The following CEP112 variants were observed in gnomAD, a reference collection of about 807,000 sequenced individuals.
CEP112 encodes the protein centrosomal protein 112, also known as centrosomal protein of 112 kDa.
A neutral mutation model predicts 153.0 loss-of-function variants in CEP112; 127 were observed. The observed-to-expected ratio is 0.83, with a 90% CI of 0.72 to 0.96. CEP112 has a LOEUF of 0.96. Among genes scored for constraint, CEP112 ranks in the 40% least tolerant of loss-of-function variants. The pLI is 0.00. For synonymous variants in CEP112, 358 were observed against 374.4 expected (o/e 0.96, Z 0.51); for missense variants, 1,089 against 1,101.2 (o/e 0.99, Z 0.16).
At chr17:65,677,591 A>G (rs1241041061) in intron 24 of CEP112, among the ~76,000 whole-genome samples, 2 of 152,058 alleles carry the variant, frequency 1.3e-5, no homozygotes, top group Non-Finnish European at 2.9e-5. Flanking sequence ...TTCTAGTTTA[A>G]ACTGACGTAC....
chr17:65,997,213 A>T (rs1393693989), intron 17 of CEP112, among the ~76,000 whole-genome samples: 2 of 152,164 alleles, frequency 1.3e-5, no homozygotes, highest in Non-Finnish European at 2.9e-5. Context: ...TCCATCTAAA[A>T]TAATAATAAT....
chr17:65,645,112 T>C (rs2045363066), intron 24 of CEP112, among the ~76,000 whole-genome samples: 1 of 151,748 alleles, frequency 6.6e-6, no homozygotes, highest in African/African-American at 2.4e-5. Flanking sequence ...TTTTATTATA[T>C]ATATATACTT....
At chr17:65,919,117 T>C (rs1283489426) in intron 19 of CEP112, among the ~76,000 whole-genome samples, 1 of 152,230 alleles carries the variant, frequency 6.6e-6, no homozygotes, top group Non-Finnish European at 1.5e-5. Context: ...TCTGAGGGCA[T>C]AGCCTGAAGC....
intron 17 of CEP112, among the ~76,000 whole-genome samples, chr17:65,989,010 G>A (rs2145222316): frequency 6.6e-6 from 1 of 152,010 alleles, no homozygotes; most frequent in Non-Finnish European, 1.5e-5. Context: ...AGATCACCAG[G>A]TCAGGAGATC....
At chr17:65,857,340 G>A (rs183788561) in intron 20 of CEP112, among the ~76,000 whole-genome samples, 81 of 152,324 alleles carry the variant, frequency 5.3e-4, no homozygotes, top group African/African-American at 1.9e-3. Flanking sequence ...AAAAAACAAT[G>A]TGCATTCCTT....
chr17:66,080,405 C>G (rs529739877), intron 8 of CEP112, among the ~76,000 whole-genome samples: 1 of 152,044 alleles, frequency 6.6e-6, no homozygotes, highest in Non-Finnish European at 1.5e-5. Context: ...AACAAACATA[C>G]GAAGAAAAGC....
intron 23 of CEP112, among the ~76,000 whole-genome samples, chr17:65,734,844 TTAG>T (rs2050708922): frequency 1.3e-5 from 2 of 152,312 alleles, no homozygotes; most frequent in East Asian, 3.9e-4. Flanking sequence ...TTCTTAAAAG[TTAG>T]TTACAATGTG....
chr17:65,898,010 G>A (rs1261513020), intron 20 of CEP112, among the ~76,000 whole-genome samples: 1 of 152,040 alleles, frequency 6.6e-6, no homozygotes, highest in East Asian at 1.9e-4. Flanking sequence ...CAAGCGCAGA[G>A]CTAAAATTTC....
At chr17:65,918,668 C>T (rs751991119) in intron 19 of CEP112, among the ~76,000 whole-genome samples, 6 of 152,098 alleles carry the variant, frequency 3.9e-5, no homozygotes, top group Non-Finnish European at 8.8e-5. Flanking sequence ...TTGTTTCCAA[C>T]TTGAATGAGG....
chr17:66,175,257 A>G (rs199998433), intron 3 of CEP112, 41 bp from the exon 4 acceptor site: 131 of 1,377,900 alleles, frequency 9.5e-5, no homozygotes, highest in Admixed American at 6.1e-4. Flanking sequence ...TTCAAAATGT[A>G]CTATAATAAA....
At chr17:65,998,444 AAC>A (rs909572216) in intron 17 of CEP112, among the ~76,000 whole-genome samples, 3 of 151,520 alleles carry the variant, frequency 2.0e-5, no homozygotes, top group Admixed American at 2.0e-4. Flanking sequence ...ATGGTTACAA[AAC>A]ACAGAACTCT....
intron 17 of CEP112, among the ~76,000 whole-genome samples, chr17:65,970,855 A>ATATC (rs1322116719): frequency 2.2e-5 from 1 of 45,498 alleles, no homozygotes; most frequent in Non-Finnish European, 4.7e-5. Flanking sequence ...TATGTCATGT[A>ATATC]TATCTGCATG....
At chr17:65,805,198 A>T (rs1222397345) in intron 21 of CEP112, among the ~76,000 whole-genome samples, 1 of 152,102 alleles carries the variant, frequency 6.6e-6, no homozygotes, top group Non-Finnish European at 1.5e-5. Flanking sequence ...CCTCATTAAC[A>T]TCATCATTTT....
At chr17:65,851,597 C>T (rs931198587) in intron 21 of CEP112, among the ~76,000 whole-genome samples, 2 of 152,000 alleles carry the variant, frequency 1.3e-5, no homozygotes, top group Non-Finnish European at 2.9e-5. Flanking sequence ...CCATGAAAGC[C>T]AAGGGAAAAG....
chr17:66,044,379 T>A (rs904737677), intron 12 of CEP112, among the ~76,000 whole-genome samples: 1 of 152,170 alleles, frequency 6.6e-6, no homozygotes, highest in African/African-American at 2.4e-5. Flanking sequence ...AATTTGTTTT[T>A]TGTCCATGCC....
At position 66,191,486 on chromosome 17, in the gene CEP112, T is replaced by G. The variant is rs924034757; in HGVS notation, c.-9+511A>C. Among the ~76,000 whole-genome samples the G allele has an allele frequency of 1.3e-5, 2 of 152,212 alleles. No homozygotes were observed. The highest frequency in any genetic ancestry group is 2.9e-5 in the Non-Finnish European group (2 of 68,026). Reference sequence around the variant, plus strand: ...TGCGGCGGTGCTGGGCTTGGGCCTCTCCAAGCGGCCTATGACTTTCTGCAA... The same window carrying G: ...TGCGGCGGTGCTGGGCTTGGGCCTCGCCAAGCGGCCTATGACTTTCTGCAA... On this transcript the variant is annotated intron_variant, in intron 1 of 26. Coordinates refer to ENST00000535342, the MANE Select transcript of CEP112 (RefSeq NM_001199165.4). The surrounding 1 kb of genome is among the most constrained non-coding windows in gnomAD (Gnocchi z 4.2).
At chr17:65,649,073 A>AACACACACACACACACACAC (rs71158400) in intron 24 of CEP112, among the ~76,000 whole-genome samples, 9 of 139,856 alleles carry the variant, frequency 6.4e-5, no homozygotes, top group Non-Finnish European at 1.3e-4. Flanking sequence ...CAAACAAACA[A>AACACACACACACACACACAC]ACACACACAC....
At position 66,183,249 on chromosome 17, in the gene CEP112, A is replaced by T; in HGVS notation, c.51T>A (p.Phe17Leu). The T allele has an allele frequency of 6.2e-7, 1 of 1,612,954 alleles. No individual in the cohort carries two copies. The highest frequency in any genetic ancestry group is 8.5e-7 in the Non-Finnish European group (1 of 1,179,484). ...GCTTCATATCAACCACAAAGTGATC[A>T]AATTCTGCATCCAGCTTCTCCCATT... Reference protein sequence around the residue: ...EEKWEKLDAEFDHFVVDMKPF... With the variant: ...EEKWEKLDAELDHFVVDMKPF... Residue 17 changes from phenylalanine (F) to leucine (L), a missense_variant, in exon 2 of 27, where the codon TTT becomes TTA. Physicochemically the swap from Phe to Leu is conservative, Grantham distance 22. Transcript: ENST00000535342.
intron 25 of CEP112, among the ~76,000 whole-genome samples, chr17:65,639,573 T>C (rs1201643900): frequency 1.3e-5 from 2 of 151,174 alleles, no homozygotes; most frequent in Non-Finnish European, 2.9e-5. Context: ...TAATCCCAGT[T>C]ACTTGGGAGG....
Sources: allele counts gnomAD v4.1 joint callset (sites outside exome capture counted in the v4.1 genomes callset), GRCh38; gene constraint gnomAD v4.1.1; non-coding constraint Gnocchi (gnomAD v3.1); transcripts MANE v1.5; gene names NCBI Gene and HGNC (gene_info 2026-07-23, HGNC 2026-07-21).